The following NRG1 variants were observed in gnomAD, a reference collection of about 807,000 sequenced individuals.
NRG1 encodes the protein pro-neuregulin-1, membrane-bound isoform.
NRG1 carries 18 observed loss-of-function variants against 63.8 expected under a neutral mutation model. That is an observed-to-expected ratio of 0.28 (90% CI 0.19 to 0.42). The LOEUF (loss-of-function observed/expected upper bound fraction) is 0.42. Ranked by LOEUF, NRG1 falls within the 10% of genes least tolerant of loss-of-function variation. The pLI is 1.00. For synonymous variants in NRG1, 302 were observed against 301.3 expected (o/e 1.00, Z -0.02); for missense variants, 762 against 814.7 (o/e 0.94, Z 0.79).
intron 4 of NRG1, among the ~76,000 whole-genome samples, chr8:32,615,571 A>G (rs1172092694): frequency 2.6e-5 from 4 of 152,042 alleles, no homozygotes; most frequent in Non-Finnish European, 5.9e-5. Flanking sequence ...CACATTTAAT[A>G]TTTTAGCTTC....
At chr8:32,650,867 A>G (rs1291701173) in intron 5 of NRG1, among the ~76,000 whole-genome samples, 4 of 150,328 alleles carry the variant, frequency 2.7e-5, no homozygotes, top group Non-Finnish European at 4.4e-5. Context: ...TCCCGTTTCC[A>G]TTTTTTTTTC....
intron 1 of NRG1, among the ~76,000 whole-genome samples, chr8:32,462,861 C>T (rs1822496893): frequency 6.6e-6 from 1 of 152,024 alleles, no homozygotes; most frequent in Non-Finnish European, 1.5e-5. Context: ...GCCTTGGCCT[C>T]CCAAAGTTCT....
At chr8:31,773,036 T>C (rs756852080) in intron 1 of NRG1, among the ~76,000 whole-genome samples, 6 of 152,224 alleles carry the variant, frequency 3.9e-5, no homozygotes, top group Non-Finnish European at 7.3e-5. Context: ...TGGCTCAGAC[T>C]GAGCTGACAG....
chr8:32,273,011 G>C (rs560235268), intron 1 of NRG1, among the ~76,000 whole-genome samples: 1 of 152,154 alleles, frequency 6.6e-6, no homozygotes, highest in African/African-American at 2.4e-5. Flanking sequence ...TCTCTGATAA[G>C]AGTCCAGAAT....
intron 1 of NRG1, among the ~76,000 whole-genome samples, chr8:31,651,697 T>G (rs954579664): frequency 1.3e-5 from 2 of 152,158 alleles, no homozygotes; most frequent in African/African-American, 4.8e-5. Context: ...AATAATTTGA[T>G]CTGACTTTTA....
At chr8:32,002,729 ATAAAG>A (rs955944017) in intron 1 of NRG1, among the ~76,000 whole-genome samples, 12 of 152,216 alleles carry the variant, frequency 7.9e-5, no homozygotes, top group South Asian at 4.1e-4. Flanking sequence ...TTCTCAGCTG[ATAAAG>A]TAAAGAAATT....
At chr8:31,990,356 T>C (rs1810848912) in intron 1 of NRG1, among the ~76,000 whole-genome samples, 1 of 152,104 alleles carries the variant, frequency 6.6e-6, no homozygotes, top group African/African-American at 2.4e-5. Flanking sequence ...GCTTTTGAAA[T>C]TTTTTTCATT....
intron 1 of NRG1, among the ~76,000 whole-genome samples, chr8:32,423,051 A>T (rs1211040931): frequency 2.6e-5 from 4 of 152,212 alleles, no homozygotes. Flanking sequence ...CCCATGAAAG[A>T]GAGATTGTTC....
chr8:31,761,298 G>T (rs1334574305), intron 1 of NRG1, among the ~76,000 whole-genome samples: 1 of 152,046 alleles, frequency 6.6e-6, no homozygotes, highest in African/African-American at 2.4e-5. Context: ...TCTGGGGACT[G>T]TTGTGGGGTG....
At chr8:32,340,635 C>T (rs577126651) in intron 1 of NRG1, among the ~76,000 whole-genome samples, 3 of 152,342 alleles carry the variant, frequency 2.0e-5, no homozygotes, top group East Asian at 3.9e-4. Flanking sequence ...TTTTAATACT[C>T]ATTTCAAGCT....
intron 5 of NRG1, among the ~76,000 whole-genome samples, chr8:32,635,309 G>C (rs1428614258): frequency 6.6e-6 from 1 of 152,212 alleles, no homozygotes; most frequent in Non-Finnish European, 1.5e-5. Flanking sequence ...TTAACATACA[G>C]ATTAGGTCTT....
rs75882229 is a variant in NRG1 at position 31,803,364 on chromosome 8, G to T, written c.37+163933G>T. ...GTCACAGTTAGAATAATTGCCTAAAGCCACACCGACAGAGAGCTGGTAGTG... is the reference window on the plus strand; with the variant it reads ...GTCACAGTTAGAATAATTGCCTAAATCCACACCGACAGAGAGCTGGTAGTG... On this transcript the variant is annotated intron_variant, in intron 1 of 10. Transcript: ENST00000519301. Among the ~76,000 whole-genome samples, 147 of 152,196 alleles carry T rather than the reference G, an allele frequency of 9.7e-4. 2 individuals are homozygous for T. The East Asian group carries it at 0.024, about 25-fold the overall frequency.
chr8:31,809,339 T>TAC (rs1217775695), intron 1 of NRG1, among the ~76,000 whole-genome samples: 1 of 145,170 alleles, frequency 6.9e-6, no homozygotes, highest in East Asian at 2.1e-4. Flanking sequence ...TCTCTCCATA[T>TAC]ATATATATAC....
At chr8:32,501,320 A>G (rs957352462) in intron 1 of NRG1, among the ~76,000 whole-genome samples, 1 of 152,240 alleles carries the variant, frequency 6.6e-6, no homozygotes, top group Non-Finnish European at 1.5e-5. Flanking sequence ...GGAATTTTAT[A>G]TGATTTCTGA....
At chr8:32,674,487 CT>C (rs777186864) in intron 5 of NRG1, among the ~76,000 whole-genome samples, 4 of 152,054 alleles carry the variant, frequency 2.6e-5, no homozygotes, top group Non-Finnish European at 5.9e-5. Flanking sequence ...TAAAAGGTTT[CT>C]CCACTAAATT....
chr8:31,919,441 A>C (rs572137647), intron 1 of NRG1, among the ~76,000 whole-genome samples: 2 of 152,048 alleles, frequency 1.3e-5, no homozygotes, highest in African/African-American at 4.8e-5. Context: ...TAAATCCAAA[A>C]GACAACTACC....
chr8:31,951,037 T>G (rs113641593), intron 1 of NRG1, among the ~76,000 whole-genome samples: 26 of 152,352 alleles, frequency 1.7e-4, no homozygotes, highest in African/African-American at 5.3e-4. Flanking sequence ...TCTTATTAAC[T>G]TCATGGTCAT....
chr8:32,548,773 AGGAGCGAGGCTCCGGCAAGAAGCC>A, exon 1 of NRG1: 5 of 1,591,056 alleles, frequency 3.1e-6, no homozygotes, highest in Non-Finnish European at 4.3e-6. Context: ...GGCAAGAAGA[AGGAGCGAGGCTCCGGCAAGAAGCC>A]GGAGTCCGCG....
At chr8:31,928,441 A>G (rs1834589916) in intron 1 of NRG1, among the ~76,000 whole-genome samples, 1 of 149,796 alleles carries the variant, frequency 6.7e-6, no homozygotes, top group Admixed American at 6.7e-5. Context: ...CAATATGGGG[A>G]TTTCTCAAAG....
Sources: gnomAD v4.1 joint callset for allele counts (sites outside exome capture counted in the v4.1 genomes callset) on GRCh38, gnomAD v4.1.1 for gene constraint, MANE v1.5 for transcripts, NCBI Gene and HGNC (gene_info 2026-07-23, HGNC 2026-07-21) for gene names.